Variants in GABRG2 observed in about 807,000 individuals in gnomAD.
GABRG2 encodes gamma-aminobutyric acid type A receptor subunit gamma2.
Under a neutral mutation model 56.4 loss-of-function variants are expected in GABRG2, and 16 were observed. The observed-to-expected ratio is 0.28, with a 90% CI of 0.19 to 0.43. The LOEUF (loss-of-function observed/expected upper bound fraction) is 0.43. Ranked by LOEUF, GABRG2 falls within the 20% of genes least tolerant of loss-of-function variation. The pLI, the probability that GABRG2 is intolerant of heterozygous loss-of-function variation, is 1.00. For missense variants in GABRG2, 327 were observed against 582.7 expected, an observed-to-expected ratio of 0.56 and a Z score of 4.52; for synonymous variants, 208 against 205.5, an observed-to-expected ratio of 1.01 and a Z score of -0.10.
intron 1 of GABRG2, among the ~76,000 whole-genome samples, chr5:162,080,763 A>G (rs550774380): frequency 7.9e-5 from 12 of 152,142 alleles, no homozygotes; most frequent in Non-Finnish European, 1.3e-4. Flanking sequence ...TTTTAGCTTC[A>G]TCAGAGTTAT....
chr5:162,106,555 C>G (rs1432687585), intron 6 of GABRG2, among the ~76,000 whole-genome samples: 1 of 152,102 alleles, frequency 6.6e-6, no homozygotes, highest in African/African-American at 2.4e-5. Context: ...TAATGAATGT[C>G]TACAAGGAAG....
At chr5:162,087,474 T>G (rs1489582215) in intron 1 of GABRG2, among the ~76,000 whole-genome samples, 1 of 152,068 alleles carries the variant, frequency 6.6e-6, no homozygotes, top group East Asian at 1.9e-4. Flanking sequence ...AAGTGGCTAT[T>G]TTCCTCTTTT....
chr5:162,095,132 G>A (rs774676498), intron 2 of GABRG2, among the ~76,000 whole-genome samples: 1 of 152,000 alleles, frequency 6.6e-6, no homozygotes, highest in African/African-American at 2.4e-5. Flanking sequence ...GTCCAGTCAG[G>A]GACATGCTCA....
intron 1 of GABRG2, among the ~76,000 whole-genome samples, chr5:162,086,712 T>A (rs1014777507): frequency 5.3e-5 from 8 of 152,066 alleles, no homozygotes; most frequent in African/African-American, 1.7e-4. Flanking sequence ...CCCATGTATA[T>A]AATGTCTAGA....
chr5:162,106,767 G>C (rs1175855444), intron 6 of GABRG2, among the ~76,000 whole-genome samples: 1 of 152,124 alleles, frequency 6.6e-6, no homozygotes, highest in African/African-American at 2.4e-5. Context: ...TATCCAAGTA[G>C]TGACTGTACT....
At chr5:162,100,879 G>A (rs112758084) in intron 4 of GABRG2, among the ~76,000 whole-genome samples, 9 of 152,248 alleles carry the variant, frequency 5.9e-5, no homozygotes, top group East Asian at 5.8e-4. Flanking sequence ...AACAGTAAAC[G>A]AGCTTAAGTT....
chr5:162,090,343 A>ACATACACATACC (rs1210167180), intron 1 of GABRG2, among the ~76,000 whole-genome samples: 177 of 152,064 alleles, frequency 1.2e-3, no homozygotes, highest in African/African-American at 3.9e-3. Context: ...ATACACATAC[A>ACATACACATACC]CATACACATA....
chr5:162,152,299 G>T, intron 9 of GABRG2: 1 of 248,730 alleles, frequency 4.0e-6, no homozygotes, highest in East Asian at 1.1e-4. Context: ...GTGTTGCAAT[G>T]AGATTTCTAT....
At chr5:162,072,842 T>G (rs1758786409) in intron 1 of GABRG2, among the ~76,000 whole-genome samples, 1 of 151,944 alleles carries the variant, frequency 6.6e-6, no homozygotes, top group African/African-American at 2.4e-5. Flanking sequence ...CATACTATAA[T>G]AAGTATGAAT....
chr5:162,136,701 G>A (rs949853789), intron 6 of GABRG2, among the ~76,000 whole-genome samples: 11 of 152,170 alleles, frequency 7.2e-5, no homozygotes, highest in African/African-American at 2.7e-4. Flanking sequence ...ATTACCCATA[G>A]CCTTGATGCC....
intron 6 of GABRG2, among the ~76,000 whole-genome samples, chr5:162,109,591 C>T (rs1561647379): frequency 6.6e-6 from 1 of 151,374 alleles, no homozygotes; most frequent in Non-Finnish European, 1.5e-5. Context: ...GACTATTAAC[C>T]TGGTGGCTGA....
chr5:162,072,670 A>T (rs1198166677), intron 1 of GABRG2, among the ~76,000 whole-genome samples: 1 of 152,002 alleles, frequency 6.6e-6, no homozygotes, highest in Non-Finnish European at 1.5e-5. Context: ...CATGTTATAC[A>T]TACACACTGA....
intron 6 of GABRG2, among the ~76,000 whole-genome samples, chr5:162,120,534 A>G (rs939398176): frequency 2.0e-5 from 3 of 152,102 alleles, no homozygotes; most frequent in Non-Finnish European, 4.4e-5. Flanking sequence ...TTGACTATTC[A>G]TCTTTCAACA....
At chr5:162,071,320 G>C (rs770027195) in intron 1 of GABRG2, among the ~76,000 whole-genome samples, 11 of 151,144 alleles carry the variant, frequency 7.3e-5, no homozygotes, top group Admixed American at 2.0e-4. Context: ...ATAATTTAGA[G>C]TAAATAAGAA....
intron 7 of GABRG2, among the ~76,000 whole-genome samples, chr5:162,145,727 T>C (rs1035521090): frequency 6.6e-6 from 1 of 152,198 alleles, no homozygotes; most frequent in Non-Finnish European, 1.5e-5. Context: ...ACATGCCACA[T>C]TTTAAAAAAA....
chr5:162,153,196 G>A lies in GABRG2; in HGVS notation c.1256G>A (p.Gly419Asp), dbSNP rs746678010. Residue 419 changes from glycine to aspartate, a missense_variant, in exon 10 of 10, where the codon GGC (glycine) becomes GAC (aspartate). Gly to Asp is a moderately conservative substitution (Grantham distance 94). Around this residue, in one of 4 missense-constraint regions of GABRG2, gnomAD observed 108 missense variants for 144.2 expected, o/e 0.75. Transcript: ENST00000639213. ...GAGTACGGCTATGAGTGTCTGGACG[G>A]CAAGGACTGTGCCAGTTTTTTCTGC... ...DEEYGYECLD[G>D]KDCASFFCCF... is the part of the protein sequence containing the mutation. 6.2e-7 allele frequency: 1 copy of A among 1,614,034 alleles called. No individual in the cohort carries two copies.
chr5:162,099,767 G>GGAGATTCAATC (rs2113343834), intron 4 of GABRG2: 1 of 152,240 alleles, frequency 6.6e-6, no homozygotes, highest in African/African-American at 2.4e-5. Flanking sequence ...TGTCACTAAT[G>GGAGATTCAATC]GAGATTCAAT....
intron 6 of GABRG2, among the ~76,000 whole-genome samples, chr5:162,139,753 A>C (rs1469293990): frequency 1.3e-5 from 2 of 152,218 alleles, no homozygotes; most frequent in African/African-American, 4.8e-5. Flanking sequence ...TTAAAACATG[A>C]TAATTCGTAA....
intron 6 of GABRG2, among the ~76,000 whole-genome samples, chr5:162,110,794 A>G (rs1762197926): frequency 6.6e-6 from 1 of 152,174 alleles, no homozygotes; most frequent in African/African-American, 2.4e-5. Context: ...TTTTCAAACT[A>G]CTTGAAGCAG....
Sources: gnomAD v4.1 joint callset for allele counts (sites outside exome capture counted in the v4.1 genomes callset) on GRCh38, gnomAD v4.1.1 for gene constraint, gnomAD v4.1.1 regional missense constraint, MANE v1.5 for transcripts, NCBI Gene and HGNC (gene_info 2026-07-23, HGNC 2026-07-21) for gene names.